The following RAB6A variants were observed in gnomAD, a reference collection of about 807,000 sequenced individuals.
The protein encoded by RAB6A is ras-related protein Rab-6A.
RAB6A carries 8 observed loss-of-function variants against 32.3 expected under a neutral mutation model. The ratio of observed to expected loss-of-function variants is 0.25; its 90% confidence interval spans 0.15 to 0.45. The LOEUF (loss-of-function observed/expected upper bound fraction) is 0.45, where lower values mean the gene tolerates loss of function less well. Among genes scored for constraint, RAB6A ranks in the 20% least tolerant of loss-of-function variants. RAB6A has a pLI of 1.00. For synonymous variants in RAB6A, 73 were observed against 82.1 expected (o/e 0.89, Z 0.60); for missense variants, 104 against 249.4 (o/e 0.42, Z 3.93).
intron 7 of RAB6A, 48 bp downstream of exon 7, chr11:73,679,606 A>C: frequency 6.2e-7 from 1 of 1,605,946 alleles, no homozygotes; most frequent in South Asian, 1.1e-5. Context: ...CAGGGCTCTA[A>C]AGACTAGTGT....
At chr11:73,698,202 CAG>C (rs1565351725) in intron 6 of RAB6A, among the ~76,000 whole-genome samples, 1 of 152,078 alleles carries the variant, frequency 6.6e-6, no homozygotes, top group African/African-American at 2.4e-5. Context: ...GCCTGGGTGA[CAG>C]AGTGAGACTC....
intron 2 of RAB6A, among the ~76,000 whole-genome samples, chr11:73,724,477 G>A (rs1394963227): frequency 6.7e-6 from 1 of 149,232 alleles, no homozygotes; most frequent in Non-Finnish European, 1.5e-5. Flanking sequence ...TTTCCTAAAT[G>A]CATTTCGTTT....
chr11:73,705,061 T>G (rs1945816213), intron 6 of RAB6A, among the ~76,000 whole-genome samples: 1 of 151,988 alleles, frequency 6.6e-6, no homozygotes, highest in African/African-American at 2.4e-5. Flanking sequence ...AATCAAACAT[T>G]ATGAAGATAC....
At chr11:73,725,384 A>AT (rs1946200675) in intron 2 of RAB6A, among the ~76,000 whole-genome samples, 1 of 152,226 alleles carries the variant, frequency 6.6e-6, no homozygotes, top group Non-Finnish European at 1.5e-5. Flanking sequence ...TTTGTCAAGC[A>AT]TATGTGATTG....
rs186731524 is a variant in RAB6A, at chr11:73,733,514, A to G, written c.71-2691T>C. 5.3e-3 allele frequency among the ~76,000 whole-genome samples: 804 copies of G among 151,820 alleles called. 7 individuals carry two copies. Among genetic ancestry groups the G allele is most frequent in the African/African-American group, 0.018 (732 of 41,460 alleles). ...CAGTGAGCCGAGATCATGCCACTGC[A>G]CTCCAGCCTGGGCGACAGGGTGTGA... is the stretch of plus-strand genomic sequence containing the variant. On this transcript the variant is annotated intron_variant, in intron 1 of 7. Transcript: ENST00000336083.
chr11:73,760,494 G>C (rs1212307938), intron 1 of RAB6A, 72 bp downstream of exon 1: 3 of 1,519,262 alleles, frequency 2.0e-6, no homozygotes, highest in South Asian at 1.2e-5. Flanking sequence ...CTCCGCGGAC[G>C]GAAGGGCCGC....
intron 5 of RAB6A, among the ~76,000 whole-genome samples, chr11:73,708,992 T>C (rs1217091001): frequency 2.0e-5 from 3 of 152,242 alleles, no homozygotes; most frequent in African/African-American, 7.2e-5. Flanking sequence ...TACATTTGCT[T>C]GTGTTATCTT....
intron 3 of RAB6A, among the ~76,000 whole-genome samples, chr11:73,719,185 C>T (rs567002996): frequency 3.2e-4 from 49 of 152,152 alleles, no homozygotes; most frequent in African/African-American, 1.1e-3. Context: ...TGTTTGAATC[C>T]CTATGCCTTT....
At chr11:73,701,739 G>A (rs1590841019) in intron 6 of RAB6A, among the ~76,000 whole-genome samples, 1 of 150,200 alleles carries the variant, frequency 6.7e-6, no homozygotes, top group African/African-American at 2.5e-5. Flanking sequence ...CTGCTGCCTC[G>A]ACCCCCTGGG....
At chr11:73,727,872 GTTT>G (rs904225125) in intron 2 of RAB6A, among the ~76,000 whole-genome samples, 1 of 152,084 alleles carries the variant, frequency 6.6e-6, no homozygotes, top group South Asian at 2.1e-4. Flanking sequence ...TTGAAATCAA[GTTT>G]TTTTCTTTAA....
intron 1 of RAB6A, among the ~76,000 whole-genome samples, chr11:73,756,948 A>G (rs1013142004): frequency 1.3e-5 from 2 of 151,880 alleles, no homozygotes; most frequent in African/African-American, 4.8e-5. Context: ...TGCTGGGATT[A>G]CAGGCGTGAG....
At chr11:73,735,970 T>C (rs1946387442) in intron 1 of RAB6A, among the ~76,000 whole-genome samples, 1 of 141,262 alleles carries the variant, frequency 7.1e-6, no homozygotes, top group African/African-American at 2.6e-5. Flanking sequence ...ATAAATCACA[T>C]ACCATACAAT....
chr11:73,746,215 A>G (rs1242159482), intron 1 of RAB6A, among the ~76,000 whole-genome samples: 1 of 151,970 alleles, frequency 6.6e-6, no homozygotes, highest in African/African-American at 2.4e-5. Context: ...AAAAAGTCAA[A>G]TTTTCTAATT....
In RAB6A at chr11:73,716,139, C is replaced by T. The variant is rs558132813; in HGVS notation, c.401+112G>A. 79 of 734,798 alleles carry T rather than the reference C, an allele frequency of 1.1e-4. 1 individual carries two copies. Among genetic ancestry groups the T allele is most frequent in the South Asian group, 2.9e-4 (14 of 47,954 alleles). The allele number at this position is 734,798 out of a possible 1,614,324, so 45.5% of individuals were successfully genotyped here. On this transcript the variant is annotated intron_variant, in intron 5 of 7. Transcript: ENST00000336083. ...CATGCTAAAGAAAAGCAGGGGAGGA[C>T]GTAAACTTAAGGATTAAGCATGTCT...
chr11:73,692,118 C>A (rs1475435313), intron 6 of RAB6A, among the ~76,000 whole-genome samples: 1 of 152,190 alleles, frequency 6.6e-6, no homozygotes, highest in Non-Finnish European at 1.5e-5. Context: ...CAGACCAACA[C>A]AGACTTCAGA....
chr11:73,732,817 CT>C (rs530516126), intron 1 of RAB6A, among the ~76,000 whole-genome samples: 9 of 151,334 alleles, frequency 5.9e-5, no homozygotes, highest in Non-Finnish European at 7.4e-5. Flanking sequence ...CAGTGATTTT[CT>C]TTTTTTTCCC....
chr11:73,753,793 G>A (rs1392853836), intron 1 of RAB6A, among the ~76,000 whole-genome samples: 2 of 151,906 alleles, frequency 1.3e-5, no homozygotes, highest in African/African-American at 2.4e-5. Flanking sequence ...GATTACAGGC[G>A]TGAGCCACCA....
chr11:73,760,693 C>T lies in RAB6A; in HGVS notation c.-58G>A. On this transcript the variant is annotated 5_prime_UTR_variant, in exon 1 of 8. Coordinates refer to ENST00000336083, the MANE Select transcript of RAB6A (RefSeq NM_198896.2). ...CTAGAGACCTCCCGGACCGATGCTGCTCCAGCCAGCTGACGAAAAAGGCGA... is the reference window on the plus strand; with the variant it reads ...CTAGAGACCTCCCGGACCGATGCTGTTCCAGCCAGCTGACGAAAAAGGCGA... 3.2e-6 allele frequency: 5 copies of T among 1,562,728 alleles called. No homozygotes were observed. Among genetic ancestry groups the T allele is most frequent in the Non-Finnish European group, 3.5e-6 (4 of 1,152,634 alleles).
rs1173687561 is a variant in RAB6A at position 73,749,839 on chromosome 11, G to A, written c.70+10727C>T. Among the ~76,000 whole-genome samples, 3 of 152,062 alleles carry A rather than the reference G, an allele frequency of 2.0e-5. No homozygotes were observed. In the South Asian group the frequency reaches 6.2e-4, roughly 32 times the overall value. ...ATCACATCACTACTCTCCAGCCTGG[G>A]TAACAGAGCAAGACCCTGACTGTAA... On this transcript the variant is annotated intron_variant, in intron 1 of 7. Coordinates refer to ENST00000336083, the MANE Select transcript of RAB6A (RefSeq NM_198896.2).
Sources: gnomAD v4.1 joint callset for allele counts (sites outside exome capture counted in the v4.1 genomes callset) on GRCh38, gnomAD v4.1.1 for gene constraint, MANE v1.5 for transcripts, NCBI Gene and HGNC (gene_info 2026-07-23, HGNC 2026-07-21) for gene names.